The following IL1RAPL2 variants were observed in gnomAD, a reference collection of about 807,000 sequenced individuals.
The protein encoded by IL1RAPL2 is X-linked interleukin-1 receptor accessory protein-like 2.
In IL1RAPL2, 3 loss-of-function variants were observed where a neutral mutation model predicts 44.1. The observed-to-expected ratio is 0.07, with a 90% CI of 0.03 to 0.18. IL1RAPL2 has a LOEUF of 0.18. Ranked by LOEUF, IL1RAPL2 falls within the 10% of genes least tolerant of loss-of-function variation. The pLI, the probability that IL1RAPL2 is intolerant of heterozygous loss-of-function variation, is 1.00. For missense variants in IL1RAPL2, 391 were observed against 496.4 expected (o/e 0.79, Z 2.02); for synonymous variants, 181 against 178.8 (o/e 1.01, Z -0.10).
chrX:105,465,750 G>C (rs1400637904), intron 5 of IL1RAPL2, among the ~76,000 whole-genome samples: 1 of 111,259 alleles, frequency 9.0e-6, no homozygotes, highest in Non-Finnish European at 1.9e-5. Context: ...AGCAAAGAAG[G>C]GGCTGTTAAC....
At chrX:104,891,937 T>C (rs1310375305) in intron 2 of IL1RAPL2, among the ~76,000 whole-genome samples, 3 of 111,707 alleles carry the variant, frequency 2.7e-5, no homozygotes, top group Admixed American at 9.5e-5. Flanking sequence ...GGGTTTGTCA[T>C]AAATAGCTCT....
At chrX:105,657,603 A>G (rs1033849700) in intron 6 of IL1RAPL2, among the ~76,000 whole-genome samples, 1 of 111,985 alleles carries the variant, frequency 8.9e-6, no homozygotes, top group African/African-American at 3.2e-5. Flanking sequence ...GACCTGAATC[A>G]ACACAGTCAT....
At chrX:105,079,184 G>A (rs915623449) in intron 2 of IL1RAPL2, among the ~76,000 whole-genome samples, 2 of 111,971 alleles carry the variant, frequency 1.8e-5, no homozygotes, top group Admixed American at 9.4e-5. Flanking sequence ...TGCTGGAGAG[G>A]TTGTAGAGAA....
At chrX:104,676,370 G>A (rs1393827598) in intron 2 of IL1RAPL2, among the ~76,000 whole-genome samples, 1 of 109,953 alleles carries the variant, frequency 9.1e-6, no homozygotes, top group Admixed American at 9.7e-5. Context: ...GCTTAGTTTG[G>A]CTGGATATGA....
At chrX:105,283,024 C>T (rs754212195) in intron 5 of IL1RAPL2, among the ~76,000 whole-genome samples, 43 of 111,333 alleles carry the variant, frequency 3.9e-4, no homozygotes, top group Admixed American at 6.7e-4. Flanking sequence ...TCCTGGCGAG[C>T]ATATGAGGTG....
intron 2 of IL1RAPL2, among the ~76,000 whole-genome samples, chrX:104,995,274 G>A (rs1022271383): frequency 6.3e-5 from 7 of 111,272 alleles, no homozygotes; most frequent in Admixed American, 3.8e-4. Context: ...TAAGAGCTGG[G>A]ACTTTATCTG....
At chrX:105,595,269 T>C (rs1436551263) in intron 6 of IL1RAPL2, among the ~76,000 whole-genome samples, 12 of 112,062 alleles carry the variant, frequency 1.1e-4, no homozygotes, top group Non-Finnish European at 5.6e-5. Flanking sequence ...GAAACACTAA[T>C]GTAGACGGAA....
At chrX:104,582,152 G>T (rs754457860) in intron 1 of IL1RAPL2, among the ~76,000 whole-genome samples, 1 of 111,968 alleles carries the variant, frequency 8.9e-6, no homozygotes, top group African/African-American at 3.2e-5. Context: ...CATACACTCC[G>T]CTGCTATGTA....
intron 5 of IL1RAPL2, among the ~76,000 whole-genome samples, chrX:105,447,582 T>C (rs1409253970): frequency 1.3e-5 from 1 of 77,582 alleles, no homozygotes; most frequent in Non-Finnish European, 2.2e-5. Flanking sequence ...CATAAATATA[T>C]ATTTATATAA....
At chrX:104,587,876 A>G (rs1162379820) in intron 1 of IL1RAPL2, among the ~76,000 whole-genome samples, 5 of 112,103 alleles carry the variant, frequency 4.5e-5, no homozygotes, top group South Asian at 3.7e-4. Flanking sequence ...AGCAGCCACA[A>G]GTAACTGTAG....
intron 2 of IL1RAPL2, among the ~76,000 whole-genome samples, chrX:104,910,766 A>G (rs1367723637): frequency 8.9e-6 from 1 of 111,896 alleles, no homozygotes; most frequent in East Asian, 2.8e-4. Context: ...TGCACACCTA[A>G]TTCATGAGCT....
At chrX:104,603,063 C>A (rs1031086908) in intron 1 of IL1RAPL2, among the ~76,000 whole-genome samples, 1 of 111,554 alleles carries the variant, frequency 9.0e-6, no homozygotes, top group Non-Finnish European at 1.9e-5. Flanking sequence ...CAGACAGACA[C>A]CTCATACAGG....
rs187548634 is a variant in IL1RAPL2 at position 104,831,296 on chromosome X, T to A, written c.82+172301T>A. ...CTATTTAAATCACTAAATTTAAAGA[T>A]TTTAAGGAAATATAATATTTTAAAA... On this transcript the variant is annotated intron_variant, in intron 2 of 10. Coordinates refer to ENST00000372582, the MANE Select transcript of IL1RAPL2 (RefSeq NM_017416.2). Among the ~76,000 whole-genome samples the A allele has an allele frequency of 1.3e-4, 15 of 111,770 alleles. No individual in the cohort carries two copies. In the East Asian group the frequency reaches 3.4e-3, roughly 25 times the overall value.
chrX:104,981,421 T>G lies in IL1RAPL2; in HGVS notation c.83-214054T>G, dbSNP rs777489365. Among the ~76,000 whole-genome samples the G allele has an allele frequency of 7.2e-5, 8 of 110,880 alleles. No individual in the cohort carries two copies. The South Asian group carries it at 3.1e-3, about 42-fold the overall frequency. ...GTATATAGAAATGCTACCAATTTTT[T>G]TTACATTGATTTTGTATCCTGAAAC... On this transcript the variant is annotated intron_variant, in intron 2 of 10. Coordinates refer to ENST00000372582, the MANE Select transcript of IL1RAPL2 (RefSeq NM_017416.2).
chrX:105,564,009 G>A lies in IL1RAPL2; in HGVS notation c.772+79622G>A, dbSNP rs184844766. Among the ~76,000 whole-genome samples, 292 of 111,543 alleles carry A rather than the reference G, an allele frequency of 2.6e-3. 1 individual carries two copies. The highest frequency in any genetic ancestry group is 8.9e-3 in the African/African-American group (274 of 30,763). On this transcript the variant is annotated intron_variant, in intron 6 of 10. Transcript: ENST00000372582. ...CAGAAATTTCTTTCTTATAGTTCTA[G>A]AGGCTGGGAAGTCCAAGATCAAGGC...
At chrX:105,131,446 G>A (rs1240369853) in intron 2 of IL1RAPL2, among the ~76,000 whole-genome samples, 2 of 109,442 alleles carry the variant, frequency 1.8e-5, no homozygotes, top group African/African-American at 6.6e-5. Flanking sequence ...GGTGGTTGTG[G>A]ACACTGAATT....
In IL1RAPL2 at chrX:105,244,230, T is replaced by G. The variant is rs181446323; in HGVS notation, c.543+10226T>G. 1.3e-4 allele frequency among the ~76,000 whole-genome samples: 15 copies of G among 111,600 alleles called. No individual in the cohort carries two copies. In the East Asian group the frequency reaches 4.0e-3, roughly 30 times the overall value. On this transcript the variant is annotated intron_variant, in intron 4 of 10. Coordinates refer to ENST00000372582, the MANE Select transcript of IL1RAPL2 (RefSeq NM_017416.2). ...AGAAATTAAGGATCCCATTTTTACC[T>G]CAAATATTGTCTTTTTTCTCAGATT...
chrX:105,597,363 A>G (rs1209846308), intron 6 of IL1RAPL2, among the ~76,000 whole-genome samples: 2 of 111,897 alleles, frequency 1.8e-5, no homozygotes, highest in African/African-American at 6.5e-5. Flanking sequence ...CATTGCTGTA[A>G]AGAAATACCT....
chrX:105,217,383 A>G (rs190265998), intron 3 of IL1RAPL2, among the ~76,000 whole-genome samples: 2 of 112,371 alleles, frequency 1.8e-5, no homozygotes, highest in East Asian at 5.6e-4. Context: ...GGAAATGCAA[A>G]TCAAAACCAC....
Sources: allele counts gnomAD v4.1 joint callset (sites outside exome capture counted in the v4.1 genomes callset), GRCh38; gene constraint gnomAD v4.1.1; transcripts MANE v1.5; gene names NCBI Gene and HGNC (gene_info 2026-07-23, HGNC 2026-07-21).